AR: variants seen among roughly 807,000 people sequenced by gnomAD.
AR encodes androgen receptor, also known as dihydrotestosterone receptor.
In AR, 8 loss-of-function variants were observed where a neutral mutation model predicts 53.9. The observed-to-expected ratio is 0.15, with a 90% CI of 0.09 to 0.27. The LOEUF is 0.27. Ranked by LOEUF, AR falls within the 10% of genes least tolerant of loss-of-function variation. The pLI is 1.00. For synonymous variants in AR, 359 were observed against 316.4 expected (o/e 1.13, Z -1.43); for missense variants, 639 against 742.5 (o/e 0.86, Z 1.62).
chrX:67,663,429 C>A (rs181944320), intron 2 of AR, among the ~76,000 whole-genome samples: 1 of 112,232 alleles, frequency 8.9e-6, no homozygotes, highest in African/African-American at 3.2e-5. Flanking sequence ...AAATTCTTTT[C>A]TTTAAGAATG....
intron 2 of AR, among the ~76,000 whole-genome samples, chrX:67,662,842 C>G (rs1226271749): frequency 4.5e-5 from 5 of 111,429 alleles, no homozygotes; most frequent in Admixed American, 2.9e-4. Flanking sequence ...GGATAGTTAG[C>G]TCTTCTTGTT....
intron 3 of AR, among the ~76,000 whole-genome samples, chrX:67,703,270 A>G (rs1391075766): frequency 1.8e-5 from 2 of 111,739 alleles, no homozygotes; most frequent in African/African-American, 6.5e-5. Flanking sequence ...GGTCTTTCTC[A>G]GTGCAACTGC....
At chrX:67,625,763 G>A (rs1185991990) in intron 1 of AR, among the ~76,000 whole-genome samples, 1 of 111,805 alleles carries the variant, frequency 8.9e-6, no homozygotes, top group African/African-American at 3.2e-5. Flanking sequence ...ATCTCATGGT[G>A]TATCATGGAT....
At chrX:67,603,938 G>A (rs1923498860) in intron 1 of AR, among the ~76,000 whole-genome samples, 1 of 111,017 alleles carries the variant, frequency 9.0e-6, no homozygotes, top group Non-Finnish European at 1.9e-5. Context: ...ATGGCATGGT[G>A]CAAGGAGGTA....
rs12837784 is a variant in AR at position 67,695,823 on chromosome X, A to T, written c.1885+9697A>T. On this transcript the variant is annotated intron_variant, in intron 3 of 7. Transcript: ENST00000374690. Reference sequence around the variant, plus strand: ...CACACACACACTCTCTCTCTCTCTCACACACACACACATACACACACACTT... The same window carrying T: ...CACACACACACTCTCTCTCTCTCTCTCACACACACACATACACACACACTT... 1.4e-3 allele frequency: 941 copies of T among 687,661 alleles called. 3 individuals carry two copies. In the African/African-American group the frequency reaches 0.017, roughly 13 times the overall value. 56.7% of individuals were successfully genotyped at this position (687,661 alleles called of 1,213,427 possible).
intron 2 of AR, among the ~76,000 whole-genome samples, chrX:67,676,175 A>C (rs768691375): frequency 8.9e-6 from 1 of 112,120 alleles, no homozygotes; most frequent in East Asian, 2.8e-4. Flanking sequence ...TAAATAAATT[A>C]TTATTTGCCT....
At chrX:67,557,011 C>A (rs189981792) in intron 1 of AR, among the ~76,000 whole-genome samples, 1 of 111,170 alleles carries the variant, frequency 9.0e-6, no homozygotes, top group Non-Finnish European at 1.9e-5. Context: ...TTGTATTGGA[C>A]GGTTTTGAGC....
intron 1 of AR, among the ~76,000 whole-genome samples, chrX:67,635,910 T>C (rs1043602607): frequency 8.9e-6 from 1 of 111,767 alleles, no homozygotes; most frequent in East Asian, 2.8e-4. Context: ...AAACCTCTCC[T>C]GTGTTTGCAA....
rs148148611 is a variant in AR, at chrX:67,712,622, T to C, written c.2173+933T>C. ...TTATTTAAAGCCAGAGCCTGTAGCT[T>C]GGGCCTCACCAGTTCAGCCTCTTTC... On this transcript the variant is annotated intron_variant, in intron 4 of 7. Transcript: ENST00000374690. Among the ~76,000 whole-genome samples, 369 of 112,432 alleles carry C rather than the reference T, an allele frequency of 3.3e-3. 1 individual carries two copies. The highest frequency in any genetic ancestry group is 0.011 in the African/African-American group (347 of 30,995).
chrX:67,705,062 T>C (rs1370401547), intron 3 of AR, among the ~76,000 whole-genome samples: 1 of 111,809 alleles, frequency 8.9e-6, no homozygotes, highest in Non-Finnish European at 1.9e-5. Context: ...TGTAGTATAG[T>C]TTGAAGTCAG....
intron 3 of AR, among the ~76,000 whole-genome samples, chrX:67,703,326 C>A (rs2076050695): frequency 8.9e-6 from 1 of 112,063 alleles, no homozygotes; most frequent in Admixed American, 9.5e-5. Context: ...ATTTATATTT[C>A]TGTCTATATA....
rs770106021 is a variant in AR at position 67,714,206 on chromosome X, T to G, written c.2173+2517T>G. Among the ~76,000 whole-genome samples the G allele has an allele frequency of 3.6e-5, 4 of 112,094 alleles. No individual in the cohort carries two copies. In the South Asian group the frequency reaches 1.1e-3, roughly 31 times the overall value. ...TGGAATCCTAGCTATGGACTAGTTC[T>G]GTGACCTTGAGCAAATCACATGTCT... On this transcript the variant is annotated intron_variant, in intron 4 of 7. Transcript: ENST00000374690.
At chrX:67,680,320 C>T (rs1314428023) in intron 2 of AR, among the ~76,000 whole-genome samples, 5 of 111,801 alleles carry the variant, frequency 4.5e-5, no homozygotes, top group Non-Finnish European at 9.4e-5. Context: ...TGTCTTATTA[C>T]TCTTATTTTT....
chrX:67,555,427 G>T, intron 1 of AR, among the ~76,000 whole-genome samples: 1 of 112,200 alleles, frequency 8.9e-6, no homozygotes, highest in East Asian at 2.8e-4. Flanking sequence ...CAAGTTAGTT[G>T]CCAATTTCTT....
intron 1 of AR, among the ~76,000 whole-genome samples, chrX:67,618,826 C>A (rs1924237088): frequency 9.0e-6 from 1 of 110,773 alleles, no homozygotes; most frequent in Non-Finnish European, 1.9e-5. Context: ...GCAATATAAG[C>A]AAAGCTACAG....
chrX:67,695,477 T>C (rs1008725918), intron 3 of AR: 1 of 754,232 alleles, frequency 1.3e-6, no homozygotes, highest in Non-Finnish European at 1.6e-6. Flanking sequence ...CTCTCTCACA[T>C]CACATGCTTC....
At chrX:67,678,945 A>C (rs2075916616) in intron 2 of AR, among the ~76,000 whole-genome samples, 1 of 111,741 alleles carries the variant, frequency 8.9e-6, no homozygotes. Context: ...AGAAGGAATA[A>C]GTTATATTGA....
chrX:67,716,603 T>C (rs948192502), intron 4 of AR, among the ~76,000 whole-genome samples: 2 of 110,967 alleles, frequency 1.8e-5, no homozygotes, highest in African/African-American at 3.3e-5. Flanking sequence ...GGGAAATTAG[T>C]AGGGCCAGGG....
chrX:67,649,771 T>G (rs1278160206), intron 2 of AR, among the ~76,000 whole-genome samples: 1 of 112,356 alleles, frequency 8.9e-6, no homozygotes, highest in African/African-American at 3.2e-5. Context: ...AGATTCTGGA[T>G]ATTAGCCCTT....
Sources: allele counts gnomAD v4.1 joint callset (sites outside exome capture counted in the v4.1 genomes callset), GRCh38; gene constraint gnomAD v4.1.1; transcripts MANE v1.5; gene names NCBI Gene and HGNC (gene_info 2026-07-23, HGNC 2026-07-21).